Variants in CDC25C observed in about 807,000 individuals in gnomAD.
The protein encoded by CDC25C is M-phase inducer phosphatase 3.
CDC25C carries 48 observed loss-of-function variants against 52.5 expected under a neutral mutation model. That is an observed-to-expected ratio of 0.91 (90% CI 0.72 to 1.16). The LOEUF (loss-of-function observed/expected upper bound fraction) is 1.16, where lower values mean the gene tolerates loss of function less well. CDC25C is among the 50% of genes most tolerant of loss of function. The pLI is 0.00. For synonymous variants in CDC25C, 187 were observed against 206.5 expected, an observed-to-expected ratio of 0.91 and a Z score of 0.81; for missense variants, 510 against 566.1, an observed-to-expected ratio of 0.90 and a Z score of 1.01.
chr5:138,332,230 T>G (rs1760452105), upstream of CDC25C: 1 of 152,236 alleles, frequency 6.6e-6, no homozygotes, highest in African/African-American at 2.4e-5. Flanking sequence ...GTTGTAAGCG[T>G]TTCATTTTCT....
rs55833555 is a variant in CDC25C at position 138,313,963 on chromosome 5, T to TTTTCTTTCTTTCTTTCTTTCTTTCTTTC, written c.615+5228_615+5255dup. On this transcript the variant is annotated intron_variant, in intron 7 of 13. Coordinates refer to ENST00000323760, the MANE Select transcript of CDC25C (RefSeq NM_001790.5). ...TATCCTCCCAAACACCTATGTCCCT[T>TTTTCTTTCTTTCTTTCTTTCTTTCTTTC]TTTCTTTCTTTCTTTCTTTCTTTCT... Among the ~76,000 whole-genome samples the TTTTCTTTCTTTCTTTCTTTCTTTCTTTC allele has an allele frequency of 9.5e-4, 101 of 106,390 alleles. 2 individuals are homozygous for TTTTCTTTCTTTCTTTCTTTCTTTCTTTC. Among genetic ancestry groups the TTTTCTTTCTTTCTTTCTTTCTTTCTTTC allele is most frequent in the East Asian group, 2.3e-3 (9 of 3,930 alleles). The allele number at this position is 106,390 out of a possible 152,430, so 69.8% of individuals were successfully genotyped here.
At chr5:138,315,425 A>G (rs1758803444) in intron 7 of CDC25C, among the ~76,000 whole-genome samples, 1 of 152,190 alleles carries the variant, frequency 6.6e-6, no homozygotes. Flanking sequence ...TCTGTGGATA[A>G]CAGAGGACTA....
intron 6 of CDC25C, among the ~76,000 whole-genome samples, chr5:138,321,761 A>C (rs1759418641): frequency 1.4e-5 from 2 of 139,770 alleles, no homozygotes; most frequent in African/African-American, 5.0e-5. Flanking sequence ...AAAAAAAAAA[A>C]AAAAAAAAAA....
chr5:138,306,665 G>A (rs1371330772), intron 7 of CDC25C, among the ~76,000 whole-genome samples: 3 of 151,798 alleles, frequency 2.0e-5, no homozygotes, highest in Non-Finnish European at 4.4e-5. Flanking sequence ...TAGTAAAGAC[G>A]GGGTTTCATC....
chr5:138,331,941 CCTGGGG>C (rs1333932925), upstream of CDC25C: 9 of 974,410 alleles, frequency 9.2e-6, no homozygotes, highest in Middle Eastern at 1.6e-3. Flanking sequence ...TCGCAGATCA[CCTGGGG>C]GCGTGTGCTT....
At chr5:138,307,132 C>T (rs951755171) in intron 7 of CDC25C, among the ~76,000 whole-genome samples, 4 of 152,044 alleles carry the variant, frequency 2.6e-5, no homozygotes, top group Admixed American at 6.6e-5. Context: ...GCATGAGCCA[C>T]CGTGCCCAGC....
intron 7 of CDC25C, among the ~76,000 whole-genome samples, chr5:138,298,870 G>GA (rs1323652759): frequency 1.3e-5 from 2 of 151,944 alleles, no homozygotes; most frequent in Admixed American, 6.6e-5. Flanking sequence ...TCAGTTAACA[G>GA]AAAAAATCTG....
intron 7 of CDC25C, among the ~76,000 whole-genome samples, chr5:138,302,186 G>A (rs1192356837): frequency 6.6e-6 from 1 of 150,894 alleles, no homozygotes; most frequent in African/African-American, 2.4e-5. Context: ...TGTAGAGACG[G>A]GGGTTCCACC....
chr5:138,298,539 C>G (rs562465122), intron 7 of CDC25C, among the ~76,000 whole-genome samples: 1 of 150,644 alleles, frequency 6.6e-6, no homozygotes, highest in African/African-American at 2.4e-5. Flanking sequence ...ATCACAAGGT[C>G]AAGAGATCGA....
intron 7 of CDC25C, among the ~76,000 whole-genome samples, chr5:138,308,189 T>G (rs1758177659): frequency 6.6e-6 from 1 of 152,180 alleles, no homozygotes; most frequent in African/African-American, 2.4e-5. Context: ...TGTTCCAGAA[T>G]ATTTCCTGGG....
At chr5:138,333,692 T>C (rs1025854350), upstream of CDC25C, 10 of 152,204 alleles carry the variant, frequency 6.6e-5, no homozygotes, top group African/African-American at 2.2e-4. Flanking sequence ...AGATAGATTA[T>C]GGCAAGTGCA....
At chr5:138,329,723 C>CTT in intron 2 of CDC25C, 76 bp from the exon 3 acceptor site, 6 of 488,568 alleles carry the variant, frequency 1.2e-5, no homozygotes, top group South Asian at 5.0e-5. Flanking sequence ...ATGTCATCCT[C>CTT]TTCTTTTTTT....
At chr5:138,326,524 G>C (rs1235357575) in intron 4 of CDC25C, among the ~76,000 whole-genome samples, 2 of 151,988 alleles carry the variant, frequency 1.3e-5, no homozygotes, top group Non-Finnish European at 2.9e-5. Flanking sequence ...TGTATTTTTA[G>C]TAGAGATGGG....
At chr5:138,332,724 G>A (rs1760487707), upstream of CDC25C, among the ~76,000 whole-genome samples, 1 of 152,162 alleles carries the variant, frequency 6.6e-6, no homozygotes, top group East Asian at 1.9e-4. Flanking sequence ...AATTTAGCCG[G>A]TTGTGGTGGC....
chr5:138,294,654 G>A (rs1334702469), intron 7 of CDC25C, among the ~76,000 whole-genome samples: 3 of 151,914 alleles, frequency 2.0e-5, no homozygotes, highest in Admixed American at 1.3e-4. Flanking sequence ...ACAGGCGCCC[G>A]CCACCATGCC....
upstream of CDC25C, among the ~76,000 whole-genome samples, chr5:138,332,604 A>G (rs1247922837): frequency 6.6e-6 from 1 of 152,138 alleles, no homozygotes; most frequent in Admixed American, 6.5e-5. Context: ...GTTGGCCCAC[A>G]CCTGTAATCC....
At chr5:138,320,172 G>A (rs1054085714) in intron 6 of CDC25C, among the ~76,000 whole-genome samples, 1 of 152,128 alleles carries the variant, frequency 6.6e-6, no homozygotes, top group African/African-American at 2.4e-5. Context: ...GGGCATGGTA[G>A]CATGTGCCTG....
Position 138,287,224 on chromosome 5 carries a change from T to C in CDC25C, c.971A>G (p.Lys324Arg). The C allele has an allele frequency of 6.2e-7, 1 of 1,614,016 alleles. No individual in the cohort carries two copies. The highest frequency in any genetic ancestry group is 2.2e-5 in the East Asian group (1 of 44,866). ...ATAGCGACAATCAATGACATAAAAC[T>C]TCTCAATCAGACCCTGGAACTTCCC... is the stretch of plus-strand genomic sequence containing the variant. ...LSGKFQGLIEKFYVIDCRYPY... is the reference protein window; with the variant it reads ...LSGKFQGLIERFYVIDCRYPY... The change falls in exon 11 of 14, where the codon AAG (lysine) becomes AGG (arginine). Residue 324 changes from lysine (K) to arginine (R), a missense_variant. Physicochemically the swap from Lys to Arg is conservative, Grantham distance 26 (BLOSUM62 2). Transcript: ENST00000323760.
At chr5:138,319,917 C>T (rs1384742629) in intron 6 of CDC25C, among the ~76,000 whole-genome samples, 1 of 152,170 alleles carries the variant, frequency 6.6e-6, no homozygotes, top group Non-Finnish European at 1.5e-5. Context: ...GGTGCAGAGG[C>T]ATTCTATGGA....
Sources: gnomAD v4.1 joint callset for allele counts (sites outside exome capture counted in the v4.1 genomes callset) on GRCh38, gnomAD v4.1.1 for gene constraint, MANE v1.5 for transcripts, NCBI Gene and HGNC (gene_info 2026-07-23, HGNC 2026-07-21) for gene names.